The following MAP1B variants were observed in gnomAD, a reference collection of about 807,000 sequenced individuals.
MAP1B encodes the protein microtubule-associated protein 1B.
Under a neutral mutation model 176.1 loss-of-function variants are expected in MAP1B, and 12 were observed. The ratio of observed to expected loss-of-function variants is 0.07; its 90% CI spans 0.04 to 0.11. The LOEUF is 0.11. Ranked by LOEUF, MAP1B falls within the 10% of genes least tolerant of loss-of-function variation. The probability of loss-of-function intolerance (pLI) is 1.00; values close to 1 mark genes in which losing one functional copy is unlikely to be tolerated. For missense variants in MAP1B, 2,523 were observed against 2,990.5 expected (o/e 0.84, Z 3.65); for synonymous variants, 1,044 against 1,135.0 (o/e 0.92, Z 1.61).
Position 72,204,633 on chromosome 5 carries a change from ATAAAG to A in MAP1B, c.7252-445_7252-441del, listed in dbSNP as rs1465497499. On this transcript the variant is annotated intron_variant, in intron 6 of 6. Coordinates refer to ENST00000296755, the MANE Select transcript of MAP1B (RefSeq NM_005909.5). This position sits in a 1 kb window ranked among gnomAD's most constrained non-coding sequence, Gnocchi z 4.4. Reference sequence around the variant, plus strand: ...CATACCTCCATCCCCAACCACACACATAAAGTAAAGGTGCAGATCTTTGTTCTCAG... The same window carrying A: ...CATACCTCCATCCCCAACCACACACATAAAGGTGCAGATCTTTGTTCTCAG... 2.0e-5 allele frequency among the ~76,000 whole-genome samples: 3 copies of A among 152,220 alleles called. No homozygotes were observed. Among genetic ancestry groups the A allele is most frequent in the Non-Finnish European group, 4.4e-5 (3 of 68,030 alleles).
At chr5:72,193,828 A>T in intron 4 of MAP1B, 38 bp from the exon 5 acceptor site, 15 of 1,536,192 alleles carry the variant, frequency 9.8e-6, no homozygotes, top group Non-Finnish European at 1.3e-5. Context: ...ATAATCACTT[A>T]CACCTTTTCT....
chr5:72,196,545 T>C lies in MAP1B; in HGVS notation c.3190T>C (p.Phe1064Leu). 6.2e-7 allele frequency: 1 copy of C among 1,613,784 alleles called. No homozygotes were observed. The highest frequency in any genetic ancestry group is 8.5e-7 in the Non-Finnish European group (1 of 1,180,026). The part of the protein sequence containing the change: ...EAGGAEEQYG[F>L]LTTPTKQLGA... ...TGGTGGTGCCGAGGAGCAGTATGGA[T>C]TCCTCACCACACCAACCAAGCAACT... The change falls in exon 5 of 7, where the codon TTC becomes CTC. Residue 1064 changes from phenylalanine (F) to leucine (L), a missense_variant. Transcript: ENST00000296755. The surrounding 1 kb of genome is among the most constrained non-coding windows in gnomAD (Gnocchi z 5.3).
At chr5:72,109,903 A>G (rs1487737531) in intron 1 of MAP1B, among the ~76,000 whole-genome samples, 1 of 152,122 alleles carries the variant, frequency 6.6e-6, no homozygotes, top group Non-Finnish European at 1.5e-5. Context: ...TACTCATCTG[A>G]TCATCCTTTC....
intron 1 of MAP1B, among the ~76,000 whole-genome samples, chr5:72,114,892 G>A (rs1309824738): frequency 3.9e-5 from 6 of 152,078 alleles, no homozygotes; most frequent in Middle Eastern, 3.2e-3. Flanking sequence ...CTTCCTTTCC[G>A]TTCAGCCTAG....
chr5:72,128,841 C>T (rs191863196), intron 2 of MAP1B, among the ~76,000 whole-genome samples: 158 of 152,286 alleles, frequency 1.0e-3, no homozygotes, highest in Middle Eastern at 3.4e-3. Flanking sequence ...TTTGTAGAGA[C>T]AGGGCCTTGC....
chr5:72,123,179 A>C (rs918424238), intron 2 of MAP1B, among the ~76,000 whole-genome samples: 10 of 152,246 alleles, frequency 6.6e-5, no homozygotes, highest in African/African-American at 2.4e-4. Context: ...AGCAACTGTA[A>C]GGGAATATTT....
rs201124670 is a variant in MAP1B, at chr5:72,200,097, C to G, written c.6742C>G (p.Pro2248Ala). The change falls in exon 5 of 7, where the codon CCA becomes GCA. Residue 2248 changes from proline to alanine, a missense_variant. Physicochemically the swap from Pro to Ala is conservative, Grantham distance 27 (BLOSUM62 -1). Around this residue, in one of 4 missense-constraint regions of MAP1B, gnomAD observed 287 missense variants for 401.5 expected, o/e 0.71. Transcript: ENST00000296755. ...DLKEKTKTKK[P>A]GTKTKSSSPV... ...GAAAGAGAAGACCAAAACCAAAAAG[C>G]CAGGTACAAAGACCAAGTCATCTTC... 10 of 1,614,192 alleles carry G rather than the reference C, an allele frequency of 6.2e-6. No homozygotes were observed. The highest frequency in any genetic ancestry group is 1.6e-4 in the Middle Eastern group (1 of 6,062).
rs1317998363 is a variant in MAP1B at position 72,196,224 on chromosome 5, G to C, written c.2869G>C (p.Asp957His). The change falls in exon 5 of 7, where the codon GAT becomes CAT. Residue 957 changes from aspartate (D) to histidine (H), a missense_variant. By Grantham distance (81) the Asp-to-His change is moderately conservative. Around this residue, in one of 4 missense-constraint regions of MAP1B, gnomAD observed 1,925 missense variants for 2,126.0 expected, o/e 0.91. Coordinates refer to ENST00000296755, the MANE Select transcript of MAP1B (RefSeq NM_005909.5). The surrounding 1 kb of genome is among the most constrained non-coding windows in gnomAD (Gnocchi z 5.3). The part of the protein sequence containing the change: ...ETEEAEEPEE[D>H]GEEHVCVSAS... ...TGAGGAGGCTGAGGAGCCAGAAGAG[G>C]ATGGGGAGGAACACGTATGTGTGAG... 8.1e-6 allele frequency: 13 copies of C among 1,613,710 alleles called. No homozygotes were observed. Among genetic ancestry groups the C allele is most frequent in the East Asian group, 2.2e-5 (1 of 44,878 alleles).
At chr5:72,126,365 T>G (rs1745630728) in intron 2 of MAP1B, among the ~76,000 whole-genome samples, 1 of 152,222 alleles carries the variant, frequency 6.6e-6, no homozygotes, top group Non-Finnish European at 1.5e-5. Context: ...ACATTAATAG[T>G]CAGTGGAAAA....
At chr5:72,130,668 C>T (rs1745714400) in intron 2 of MAP1B, among the ~76,000 whole-genome samples, 1 of 152,198 alleles carries the variant, frequency 6.6e-6, no homozygotes, top group Admixed American at 6.5e-5. Context: ...GTGTCTTGAA[C>T]TCCATGGACA....
rs769125235 is a variant in MAP1B at position 72,194,857 on chromosome 5, G to C, written c.1502G>C (p.Gly501Ala). The C allele has an allele frequency of 1.2e-6, 2 of 1,614,008 alleles. No individual in the cohort carries two copies. Among genetic ancestry groups the C allele is most frequent in the East Asian group, 2.2e-5 (1 of 44,890 alleles). The change falls in exon 5 of 7, where the codon GGG becomes GCG. Residue 501 changes from glycine to alanine, a missense_variant. Coordinates refer to ENST00000296755, the MANE Select transcript of MAP1B (RefSeq NM_005909.5). This position sits in a 1 kb window ranked among gnomAD's most constrained non-coding sequence, Gnocchi z 7.2. ...AGCACCCAGTACAACATCCTGGAAG[G>C]GTTGGAAAAGCTCAAACATCTAGAC... ...GNSTQYNILE[G>A]LEKLKHLDFL...
chr5:72,205,323 T>C lies in MAP1B; in HGVS notation c.*84T>C, dbSNP rs1747423349. Reference sequence around the variant, plus strand: ...GAAATCACCTTTTCTAAAAAGTCAATTCATCTAGTTAAGTCGCTGAACAAT... The same window carrying C: ...GAAATCACCTTTTCTAAAAAGTCAACTCATCTAGTTAAGTCGCTGAACAAT... On this transcript the variant is annotated 3_prime_UTR_variant, in exon 7 of 7. Coordinates refer to ENST00000296755, the MANE Select transcript of MAP1B (RefSeq NM_005909.5). The C allele has an allele frequency of 2.9e-6, 4 of 1,396,528 alleles. No homozygotes were observed. 86.5% of individuals were successfully genotyped at this position (1,396,528 alleles called of 1,614,324 possible). A position where few individuals can be genotyped will look rare whatever the true frequency, so the allele number is the denominator to read the frequency against.
At chr5:72,173,335 C>T (rs1286695855) in intron 2 of MAP1B, among the ~76,000 whole-genome samples, 2 of 152,186 alleles carry the variant, frequency 1.3e-5, no homozygotes, top group African/African-American at 4.8e-5. Flanking sequence ...ATAGGGGTAG[C>T]ATCTCATTCA....
In MAP1B at chr5:72,194,982, G is replaced by A; in HGVS notation, c.1627G>A (p.Glu543Lys). 1.2e-6 allele frequency: 2 copies of A among 1,614,020 alleles called. No individual in the cohort carries two copies. The highest frequency in any genetic ancestry group is 1.7e-6 in the Non-Finnish European group (2 of 1,179,992). The change falls in exon 5 of 7, where the codon GAA (glutamate) becomes AAA (lysine). Residue 543 changes from glutamate to lysine, a missense_variant. By Grantham distance (56) the Glu-to-Lys change is moderately conservative. Coordinates refer to ENST00000296755, the MANE Select transcript of MAP1B (RefSeq NM_005909.5). The surrounding 1 kb of genome is among the most constrained non-coding windows in gnomAD (Gnocchi z 7.2). ...ACTGAAACAGAGGGCTGATAGCCGAGAAAGTCTGAAGCCAGCCGCAAAACC... is the reference window on the plus strand; with the variant it reads ...ACTGAAACAGAGGGCTGATAGCCGAAAAAGTCTGAAGCCAGCCGCAAAACC... ...TKLKQRADSR[E>K]SLKPAAKPLP... is the part of the protein sequence containing the mutation.
intron 5 of MAP1B, among the ~76,000 whole-genome samples, 156 bp from the exon 6 acceptor site, chr5:72,203,404 GATT>G (rs1321208992): frequency 5.9e-5 from 9 of 152,210 alleles, no homozygotes; most frequent in African/African-American, 1.7e-4. Flanking sequence ...GCCCTTGACA[GATT>G]ACCAGGGAGA....
At chr5:72,132,337 C>T (rs940167803) in intron 2 of MAP1B, among the ~76,000 whole-genome samples, 2 of 152,104 alleles carry the variant, frequency 1.3e-5, no homozygotes. Context: ...AGCCTGGAGA[C>T]TTTTTTCCGC....
intron 1 of MAP1B, among the ~76,000 whole-genome samples, chr5:72,112,251 C>T (rs1745356750): frequency 6.6e-6 from 1 of 152,346 alleles, no homozygotes; most frequent in African/African-American, 2.4e-5. Flanking sequence ...TCAGATAGAA[C>T]CCATGTGCCA....
Position 72,166,682 on chromosome 5 carries a change from C to T in MAP1B, c.287-17061C>T, listed in dbSNP as rs182783353. The stretch of plus-strand genomic sequence containing the variant: ...TCCCTGTAGAAATCCAACAGTGAAG[C>T]GTCTTGTCTTTATGACTATTCGCCG... On this transcript the variant is annotated intron_variant, in intron 2 of 6. Transcript: ENST00000296755. 7.2e-5 allele frequency among the ~76,000 whole-genome samples: 11 copies of T among 152,318 alleles called. No individual in the cohort carries two copies. The East Asian group carries it at 1.9e-3, about 27-fold the overall frequency.
In MAP1B at chr5:72,198,212, T is replaced by C. The variant is rs998304259; in HGVS notation, c.4857T>C (p.Ile1619=). ...AAGAATGCCCAAGACCGATGTCAATTTCTCCACCAGATTTCTCCCCTAAAA... is the reference window on the plus strand; with the variant it reads ...AAGAATGCCCAAGACCGATGTCAATCTCTCCACCAGATTTCTCCCCTAAAA... ...SKEECPRPMS[I]SPPDFSPKTA... The change falls in exon 5 of 7, where the codon ATT becomes ATC. Residue 1619 remains isoleucine (I), a synonymous_variant. Coordinates refer to ENST00000296755, the MANE Select transcript of MAP1B (RefSeq NM_005909.5). The C allele has an allele frequency of 6.2e-7, 1 of 1,614,208 alleles. No individual in the cohort carries two copies. Among genetic ancestry groups the C allele is most frequent in the South Asian group, 1.1e-5 (1 of 91,082 alleles).
Sources: allele counts gnomAD v4.1 joint callset (sites outside exome capture counted in the v4.1 genomes callset), GRCh38; gene constraint gnomAD v4.1.1; regional missense constraint gnomAD v4.1.1; non-coding constraint Gnocchi (gnomAD v3.1); transcripts MANE v1.5; gene names NCBI Gene and HGNC (gene_info 2026-07-23, HGNC 2026-07-21).